Variants in N4BP2 observed in about 807,000 individuals in gnomAD.
The protein encoded by N4BP2 is NEDD4-binding protein 2.
Under a neutral mutation model 152.8 loss-of-function variants are expected in N4BP2, and 91 were observed. The observed-to-expected ratio is 0.60, with a 90% confidence interval of 0.50 to 0.71. The LOEUF (loss-of-function observed/expected upper bound fraction) is 0.71. Ranked by LOEUF, N4BP2 falls within the 30% of genes least tolerant of loss-of-function variation. The probability of loss-of-function intolerance (pLI) is 0.00; values close to 1 mark genes in which losing one functional copy is unlikely to be tolerated. For synonymous variants in N4BP2, 646 were observed against 705.3 expected, an observed-to-expected ratio of 0.92 and a Z score of 1.33; for missense variants, 1,923 against 2,059.1, an observed-to-expected ratio of 0.93 and a Z score of 1.28.
chr4:40,136,730 T>C (rs1474462420), intron 13 of N4BP2, among the ~76,000 whole-genome samples: 1 of 152,198 alleles, frequency 6.6e-6, no homozygotes, highest in Non-Finnish European at 1.5e-5. Flanking sequence ...TTTTTGAAAA[T>C]TAGCTTTTGA....
the N4BP2 span, among the ~76,000 whole-genome samples, chr4:40,189,128 G>C: frequency 2.0e-5 from 3 of 150,094 alleles, no homozygotes; most frequent in Admixed American, 1.3e-4. This position sits in a 1 kb window ranked among gnomAD's most constrained non-coding sequence, Gnocchi z 4.3. Context: ...CCTGGCGCCA[G>C]AGCGGGACTC....
chr4:40,082,946 T>C (rs551992659), intron 2 of N4BP2: 3 of 191,698 alleles, frequency 1.6e-5, no homozygotes, highest in African/African-American at 4.7e-5. Flanking sequence ...GTGATCTGCC[T>C]GCCTCAGCCT....
chr4:40,154,540 T>G lies in N4BP2; in HGVS notation c.*303T>G. 3.6e-6 allele frequency: 1 copy of G among 281,178 alleles called. No homozygotes were observed. Among genetic ancestry groups the G allele is most frequent in the Non-Finnish European group, 6.6e-6 (1 of 150,964 alleles). 17.4% of individuals were successfully genotyped at this position (281,178 alleles called of 1,614,324 possible). On this transcript the variant is annotated 3_prime_UTR_variant, in exon 18 of 18. Coordinates refer to ENST00000261435, the MANE Select transcript of N4BP2 (RefSeq NM_018177.6). ...TGATTGTTTCTCAGAAAAGGTTACC[T>G]TTGTATTAATTGTTGTATGACATTT... is the stretch of plus-strand genomic sequence containing the variant.
Position 40,121,195 on chromosome 4 carries a change from A to G in N4BP2, c.3084A>G (p.Ile1028Met). ...AGGATTTTGCTCTTTTATGGAAAAT[A>G]GAAAAGAATAAAATTAGCATTTCAG... ...EPQDFALLWKIEKNKISISDS... is the reference protein window; with the variant it reads ...EPQDFALLWKMEKNKISISDS... The change falls in exon 9 of 18, where the codon ATA becomes ATG. Residue 1028 changes from isoleucine (I) to methionine (M), a missense_variant. Physicochemically the swap from Ile to Met is conservative, Grantham distance 10. Coordinates refer to ENST00000261435, the MANE Select transcript of N4BP2 (RefSeq NM_018177.6). The G allele has an allele frequency of 1.9e-6, 3 of 1,614,076 alleles. No individual in the cohort carries two copies. Among genetic ancestry groups the G allele is most frequent in the Non-Finnish European group, 1.7e-6 (2 of 1,180,008 alleles).
At chr4:40,079,329 A>T (rs1200396877) in intron 2 of N4BP2, among the ~76,000 whole-genome samples, 2 of 149,102 alleles carry the variant, frequency 1.3e-5, no homozygotes, top group Non-Finnish European at 3.0e-5. Flanking sequence ...GTTGCCCAGG[A>T]TGGTCTTGAA....
Position 40,142,666 on chromosome 4 carries a change from C to T in N4BP2, c.4786-7C>T, listed in dbSNP as rs1373577554. The T allele has an allele frequency of 6.3e-7, 1 of 1,595,460 alleles. No homozygotes were observed. Among genetic ancestry groups the T allele is most frequent in the African/African-American group, 1.4e-5 (1 of 73,648 alleles). On this transcript the variant is annotated splice_polypyrimidine_tract_variant and splice_region_variant and intron_variant, in intron 14 of 17. Coordinates refer to ENST00000261435, the MANE Select transcript of N4BP2 (RefSeq NM_018177.6). ...GTGTGTGTTACTTATTGTTTAATAT[C>T]TTATAGCCAAAGAAATTAAAAGAGA... is the stretch of plus-strand genomic sequence containing the variant.
chr4:40,123,937 T>A (rs370787737), intron 10 of N4BP2, among the ~76,000 whole-genome samples: 11 of 148,648 alleles, frequency 7.4e-5, no homozygotes, highest in African/African-American at 2.2e-4. Flanking sequence ...TTTTTTTTTT[T>A]AAATGCAGTA....
At chr4:40,174,503 T>G in the N4BP2 span, among the ~76,000 whole-genome samples, 1 of 151,760 alleles carries the variant, frequency 6.6e-6, no homozygotes, top group African/African-American at 2.4e-5. Flanking sequence ...TGTTGAAGAA[T>G]GGATTAAAAA....
intron 2 of N4BP2, among the ~76,000 whole-genome samples, chr4:40,081,049 G>C (rs1713317031): frequency 6.6e-6 from 1 of 151,312 alleles, no homozygotes; most frequent in South Asian, 2.1e-4. Flanking sequence ...AATAGACACA[G>C]TGAAAAAAAG....
intron 14 of N4BP2, chr4:40,142,291 GC>G: frequency 6.1e-6 from 2 of 325,474 alleles, no homozygotes; most frequent in Non-Finnish European, 6.1e-6. Flanking sequence ...TTGGATCATG[GC>G]CCTCCTCTCT....
rs749888663 is a variant in N4BP2 at position 40,118,012 on chromosome 4, A to T, written c.1808A>T (p.Asp603Val). ...RIELCAYSCE[D>V]RSTSPRDDED... is the part of the protein sequence containing the mutation. ...GAGTTGTGTGCATATTCTTGTGAGG[A>T]TAGAAGCACTAGGTAGGTTAAAATG... Residue 603 changes from aspartate to valine, a missense_variant, in exon 8 of 18, where the codon GAT becomes GTT. Transcript: ENST00000261435. 3.1e-6 allele frequency: 5 copies of T among 1,593,864 alleles called. No homozygotes were observed. Among genetic ancestry groups the T allele is most frequent in the Admixed American group, 1.8e-5 (1 of 56,670 alleles).
At chr4:40,081,421 G>A (rs183483539) in intron 2 of N4BP2, among the ~76,000 whole-genome samples, 168 of 152,178 alleles carry the variant, frequency 1.1e-3, no homozygotes, top group Non-Finnish European at 2.1e-3. Context: ...CGAGGTGGGC[G>A]GATTACCTGA....
rs1721691033 is a variant in N4BP2 at position 40,157,398 on chromosome 4, C to T, written c.*3161C>T. 2.0e-5 allele frequency: 3 copies of T among 152,038 alleles called. No individual in the cohort carries two copies. Among genetic ancestry groups the T allele is most frequent in the Admixed American group, 6.5e-5 (1 of 15,270 alleles). The allele number at this position is 152,038 out of a possible 1,614,324, so 9.4% of individuals were successfully genotyped here. A position where few individuals can be genotyped will look rare whatever the true frequency, so the allele number is the denominator to read the frequency against. ...TTTTGAGAAGAAAAGCTATACTGCT[C>T]TTCTGGATGGTTTCCATCCTTTATT... On this transcript the variant is annotated 3_prime_UTR_variant, in exon 18 of 18. Coordinates refer to ENST00000261435, the MANE Select transcript of N4BP2 (RefSeq NM_018177.6).
chr4:40,067,165 C>T (rs1463796312), intron 1 of N4BP2, among the ~76,000 whole-genome samples: 2 of 150,200 alleles, frequency 1.3e-5, no homozygotes, highest in Non-Finnish European at 3.0e-5. Context: ...CTCAAGCCAT[C>T]CTCCCACCTC....
the N4BP2 span, among the ~76,000 whole-genome samples, chr4:40,189,861 C>T: frequency 6.6e-6 from 1 of 151,800 alleles, no homozygotes; most frequent in Non-Finnish European, 1.5e-5. This position sits in a 1 kb window ranked among gnomAD's most constrained non-coding sequence, Gnocchi z 4.3. Flanking sequence ...TGCACTCCAG[C>T]CTGGGCGACA....
rs1027882630 is a variant in N4BP2 at position 40,108,216 on chromosome 4, G to C, written c.1498+1192G>C. Reference sequence around the variant, plus strand: ...CTGAAAGTCCTGGGATTACAGGTTTGAGCCACCATGCCCAGCCTGGTTACT... The same window carrying C: ...CTGAAAGTCCTGGGATTACAGGTTTCAGCCACCATGCCCAGCCTGGTTACT... On this transcript the variant is annotated intron_variant, in intron 5 of 17. Transcript: ENST00000261435. Among the ~76,000 whole-genome samples, 64 of 152,148 alleles carry C rather than the reference G, an allele frequency of 4.2e-4. 1 individual carries two copies. Among genetic ancestry groups the C allele is most frequent in the Admixed American group, 3.5e-3 (54 of 15,266 alleles).
chr4:40,133,054 G>A (rs1719039053), intron 13 of N4BP2, among the ~76,000 whole-genome samples: 1 of 151,998 alleles, frequency 6.6e-6, no homozygotes, highest in Non-Finnish European at 1.5e-5. Context: ...AAAGAACTTA[G>A]TACCTTGAAG....
intron 2 of N4BP2, among the ~76,000 whole-genome samples, chr4:40,076,646 G>T (rs1712769022): frequency 6.6e-6 from 1 of 151,912 alleles, no homozygotes; most frequent in South Asian, 2.1e-4. Flanking sequence ...CCGCCACCAC[G>T]CCTGGCTAAT....
At chr4:40,177,877 G>C in the N4BP2 span, among the ~76,000 whole-genome samples, 1 of 152,060 alleles carries the variant, frequency 6.6e-6, no homozygotes, top group African/African-American at 2.4e-5. Context: ...CATAGCCCAG[G>C]TGCCTGCATG....
Sources: gnomAD v4.1 joint callset for allele counts (sites outside exome capture counted in the v4.1 genomes callset) on GRCh38, gnomAD v4.1.1 for gene constraint, Gnocchi (gnomAD v3.1) non-coding constraint, MANE v1.5 for transcripts, NCBI Gene and HGNC (gene_info 2026-07-23, HGNC 2026-07-21) for gene names.